Variants in FAM149A observed in about 807,000 individuals in gnomAD.
The protein encoded by FAM149A is family with sequence similarity 149 member A, also known as protein FAM149A.
A neutral mutation model predicts 78.2 loss-of-function variants in FAM149A; 71 were observed. The ratio of observed to expected loss-of-function variants is 0.91; its 90% CI spans 0.75 to 1.11. The LOEUF (loss-of-function observed/expected upper bound fraction) is 1.11, where lower values mean the gene tolerates loss of function less well. Among genes scored for constraint, FAM149A ranks in the 50% least tolerant of loss-of-function variants. The pLI is 0.00. For synonymous variants in FAM149A, 446 were observed against 410.5 expected, an observed-to-expected ratio of 1.09 and a Z score of -1.04; for missense variants, 1,036 against 971.0, an observed-to-expected ratio of 1.07 and a Z score of -0.89.
intron 1 of FAM149A, among the ~76,000 whole-genome samples, chr4:186,134,095 T>A (rs570829973): frequency 6.6e-6 from 1 of 152,344 alleles, no homozygotes; most frequent in African/African-American, 2.4e-5. Context: ...CCACCGGTGA[T>A]GCACGAGGAT....
At chr4:186,157,000 G>C (rs1477048057) in intron 7 of FAM149A, among the ~76,000 whole-genome samples, 1 of 152,164 alleles carries the variant, frequency 6.6e-6, no homozygotes, top group Non-Finnish European at 1.5e-5. Flanking sequence ...AAAACACACA[G>C]ATACACAAGA....
At chr4:186,111,728 G>T (rs1030450341) in intron 1 of FAM149A, among the ~76,000 whole-genome samples, 1 of 151,304 alleles carries the variant, frequency 6.6e-6, no homozygotes, top group Admixed American at 6.6e-5. Context: ...TTATTTCTGA[G>T]GGCTCTGTTC....
chr4:186,167,639 A>T (rs1301236968), intron 13 of FAM149A: 1 of 304,606 alleles, frequency 3.3e-6, no homozygotes, highest in East Asian at 7.7e-5. Flanking sequence ...GATGATAAAA[A>T]TGCTTGAGAA....
Position 186,144,110 on chromosome 4 carries a change from C to T in FAM149A, c.567-5063C>T, listed in dbSNP as rs1470767990. The T allele has an allele frequency of 1.3e-5, 2 of 152,170 alleles. No individual in the cohort carries two copies. The highest frequency in any genetic ancestry group is 1.9e-4 in the East Asian group (1 of 5,186). 9.4% of individuals were successfully genotyped at this position (152,170 alleles called of 1,614,324 possible). ...GGAAAGGCATGCCTCGTGCAGTGCC[C>T]ACCCTCTGAGACTCAAAAATGTAGT... On this transcript the variant is annotated intron_variant, in intron 1 of 13. Transcript: ENST00000389354. The surrounding 1 kb of genome is among the most constrained non-coding windows in gnomAD (Gnocchi z 4.2).
intron 1 of FAM149A, chr4:186,125,596 A>G: frequency 1.6e-6 from 1 of 618,130 alleles, no homozygotes; most frequent in Non-Finnish European, 2.0e-6. Context: ...CACGAGGTAA[A>G]GGGAGAGTCA....
intron 11 of FAM149A, among the ~76,000 whole-genome samples, chr4:186,165,906 G>A (rs1455248931): frequency 6.6e-6 from 1 of 152,162 alleles, no homozygotes; most frequent in African/African-American, 2.4e-5. Context: ...ATTGTTAGAA[G>A]GACAAAATGA....
chr4:186,139,511 G>C (rs1258119902), intron 1 of FAM149A, among the ~76,000 whole-genome samples: 1 of 152,156 alleles, frequency 6.6e-6, no homozygotes, highest in Non-Finnish European at 1.5e-5. Context: ...AGACACAGCT[G>C]GAAGGCACCA....
rs2126488870 is a variant in FAM149A, at chr4:186,156,005, A to G, written c.1235A>G (p.Asp412Gly). The change falls in exon 7 of 14, where the codon GAT (aspartate) becomes GGT (glycine). Residue 412 changes from aspartate to glycine, a missense_variant. Asp to Gly is a moderately conservative substitution (Grantham distance 94). Around this residue, in one of 3 missense-constraint regions of FAM149A, gnomAD observed 716 missense variants for 711.8 expected, o/e 1.01. Transcript: ENST00000389354. ...GAGTGGGTTTTTATTCTTAGTGATG[A>G]TGAATGTCTTGAACAAAAACCAGCT... is the stretch of plus-strand genomic sequence containing the variant. 1 of 1,610,756 alleles carries G rather than the reference A, an allele frequency of 6.2e-7. No homozygotes were observed. The highest frequency in any genetic ancestry group is 2.2e-5 in the East Asian group (1 of 44,868).
Position 186,149,211 on chromosome 4 carries a change from CT to C in FAM149A, c.606del (p.Val203Ter). ...GAAGGACGTAGAAGGCACGGTTTTA[CT>C]GTGAGGAGCAAAGATTCTTTACCTA... On this transcript the variant is annotated frameshift_variant, in exon 2 of 14. Transcript: ENST00000389354. LOFTEE classifies it high-confidence loss of function. 7.8e-7 allele frequency: 1 copy of C among 1,289,266 alleles called. No individual in the cohort carries two copies. Among genetic ancestry groups the C allele is most frequent in the Non-Finnish European group, 1.0e-6 (1 of 988,588 alleles). 79.9% of individuals were successfully genotyped at this position (1,289,266 alleles called of 1,614,324 possible). A position where few individuals can be genotyped will look rare whatever the true frequency, so the allele number is the denominator to read the frequency against.
intron 1 of FAM149A, among the ~76,000 whole-genome samples, chr4:186,120,132 A>G (rs2099315352): frequency 6.6e-6 from 1 of 152,230 alleles, no homozygotes; most frequent in Non-Finnish European, 1.5e-5. Flanking sequence ...CAGGGTTCTT[A>G]GCATTTGAAG....
chr4:186,166,649 T>TG (rs1735048782), intron 11 of FAM149A, among the ~76,000 whole-genome samples: 1 of 105,034 alleles, frequency 9.5e-6, no homozygotes, highest in Admixed American at 1.3e-4. Flanking sequence ...AGACTCTGTT[T>TG]AAAAAAAAAA....
At chr4:186,150,903 G>C (rs1053516622) in intron 3 of FAM149A, 1 of 221,272 alleles carries the variant, frequency 4.5e-6, no homozygotes, top group African/African-American at 2.3e-5. Flanking sequence ...TGTATTTTTA[G>C]TAGAGACGGT....
intron 8 of FAM149A, 185 bp downstream of exon 8, chr4:186,157,904 A>G: frequency 1.3e-6 from 2 of 1,534,486 alleles, no homozygotes; most frequent in Non-Finnish European, 1.7e-6. Context: ...CAATGCCTGG[A>G]GACCTGGACG....
chr4:186,155,759 G>A (rs1421947024), intron 6 of FAM149A, among the ~76,000 whole-genome samples: 1 of 151,550 alleles, frequency 6.6e-6, no homozygotes, highest in Admixed American at 6.6e-5. Context: ...ACAAAGCTCA[G>A]AGCCGAAATA....
At chr4:186,129,798 T>C (rs2099319809) in intron 1 of FAM149A, among the ~76,000 whole-genome samples, 1 of 152,184 alleles carries the variant, frequency 6.6e-6, no homozygotes, top group Non-Finnish European at 1.5e-5. Flanking sequence ...AAGAAAGAAA[T>C]GTTAAAAATA....
rs544785754 is a variant in FAM149A at position 186,141,430 on chromosome 4, G to A, written c.567-7743G>A. On this transcript the variant is annotated intron_variant, in intron 1 of 13. Transcript: ENST00000389354. Reference sequence around the variant, plus strand: ...TACCTGTTTCTTTTACTTTATAAATGTGGATACTAGAAAATTTAAAATTGT... The same window carrying A: ...TACCTGTTTCTTTTACTTTATAAATATGGATACTAGAAAATTTAAAATTGT... Among the ~76,000 whole-genome samples the A allele has an allele frequency of 2.0e-5, 3 of 152,226 alleles. No homozygotes were observed. The South Asian group carries it at 6.2e-4, about 32-fold the overall frequency.
intron 8 of FAM149A, among the ~76,000 whole-genome samples, chr4:186,159,653 C>T (rs1317253780): frequency 6.6e-6 from 1 of 152,038 alleles, no homozygotes; most frequent in Non-Finnish European, 1.5e-5. Flanking sequence ...CATAGAAATA[C>T]CCAAGAGCTC....
intron 8 of FAM149A, chr4:186,158,014 A>G: frequency 1.4e-6 from 2 of 1,455,984 alleles, no homozygotes; most frequent in African/African-American, 2.8e-5. Context: ...TATATCCACA[A>G]AAGGACGGAC....
intron 1 of FAM149A, chr4:186,124,095 T>C (rs2126308199): frequency 1.0e-6 from 1 of 984,820 alleles, no homozygotes; most frequent in Non-Finnish European, 1.2e-6. Flanking sequence ...CCCAAAGAGG[T>C]GTATCCTTGG....
Sources: gnomAD v4.1 joint callset for allele counts (sites outside exome capture counted in the v4.1 genomes callset) on GRCh38, gnomAD v4.1.1 for gene constraint, gnomAD v4.1.1 regional missense constraint, Gnocchi (gnomAD v3.1) non-coding constraint, MANE v1.5 for transcripts, NCBI Gene and HGNC (gene_info 2026-07-23, HGNC 2026-07-21) for gene names.